PTTG1IP2: variants seen among roughly 807,000 people sequenced by gnomAD.
PTTG1IP2 encodes the protein PTTG1IP family member 2.
At position 90,513,393 on chromosome 7, in the gene PTTG1IP2, T is replaced by A. The variant is rs747343833; in HGVS notation, c.*166T>A. ...AACATTTTTTCGAGTATTTCATTAC[T>A]TTTACATTATGACTTGTACAGTAAT... On this transcript the variant is annotated 3_prime_UTR_variant, in exon 7 of 7. Transcript: ENST00000509356. 6.6e-6 allele frequency: 1 copy of A among 152,608 alleles called. No homozygotes were observed. Among genetic ancestry groups the A allele is most frequent in the African/African-American group, 2.4e-5 (1 of 41,470 alleles). The allele number at this position is 152,608 out of a possible 1,614,324, so 9.5% of individuals were successfully genotyped here.
At chr7:90,473,996 T>C (rs906775907) in intron 1 of PTTG1IP2, among the ~76,000 whole-genome samples, 2 of 152,262 alleles carry the variant, frequency 1.3e-5, no homozygotes, top group African/African-American at 4.8e-5. Flanking sequence ...TATGCAGTCA[T>C]GTGTTGCTTA....
chr7:90,484,160 T>A (rs935848207), intron 2 of PTTG1IP2, among the ~76,000 whole-genome samples: 1 of 151,870 alleles, frequency 6.6e-6, no homozygotes, highest in Non-Finnish European at 1.5e-5. Context: ...ATTTTAGAAA[T>A]CATTGGCTTT....
chr7:90,485,135 G>A (rs941426516), intron 2 of PTTG1IP2, among the ~76,000 whole-genome samples: 1 of 152,164 alleles, frequency 6.6e-6, no homozygotes, highest in Non-Finnish European at 1.5e-5. Context: ...GTCCTCAGTA[G>A]AAAAGGGTGT....
At chr7:90,485,328 T>G (rs974199723) in intron 2 of PTTG1IP2, among the ~76,000 whole-genome samples, 2 of 152,158 alleles carry the variant, frequency 1.3e-5, no homozygotes, top group African/African-American at 4.8e-5. Context: ...TCAACTGCAA[T>G]TGGACTTACC....
At chr7:90,509,868 A>C (rs533039344) in intron 6 of PTTG1IP2, among the ~76,000 whole-genome samples, 1 of 152,280 alleles carries the variant, frequency 6.6e-6, no homozygotes, top group East Asian at 1.9e-4. Flanking sequence ...ATAACCTATT[A>C]ATATTTGTAA....
chr7:90,486,746 C>T (rs191053521), intron 2 of PTTG1IP2, among the ~76,000 whole-genome samples: 49 of 152,220 alleles, frequency 3.2e-4, no homozygotes, highest in African/African-American at 1.2e-3. Context: ...AACCATTTAC[C>T]TCAGTTCTTA....
At chr7:90,506,609 T>A (rs548032002) in intron 6 of PTTG1IP2, among the ~76,000 whole-genome samples, 25 of 151,704 alleles carry the variant, frequency 1.6e-4, no homozygotes, top group South Asian at 4.2e-4. Context: ...CTAAAAAAAA[T>A]TTTTTTAATT....
At position 90,493,377 on chromosome 7, in the gene PTTG1IP2, A is replaced by T. The variant is rs186832678; in HGVS notation, c.452-990A>T. On this transcript the variant is annotated intron_variant, in intron 5 of 6. Coordinates refer to ENST00000509356, the MANE Select transcript of PTTG1IP2 (RefSeq NM_001365443.2). ...TGATAATTGGATCATGAAATGTTTC[A>T]AAAAGCTATTTTAGGACAGGAGCCA... Among the ~76,000 whole-genome samples the T allele has an allele frequency of 3.9e-5, 6 of 152,350 alleles. No homozygotes were observed. In the East Asian group the frequency reaches 1.2e-3, roughly 29 times the overall value.
intron 6 of PTTG1IP2, among the ~76,000 whole-genome samples, chr7:90,497,550 C>G (rs1309185367): frequency 8.3e-6 from 1 of 120,798 alleles, no homozygotes; most frequent in Admixed American, 1.0e-4. Flanking sequence ...GGCGACAGAG[C>G]GAGAATCCGT....
intron 6 of PTTG1IP2, among the ~76,000 whole-genome samples, chr7:90,504,486 T>TA (rs1197561491): frequency 2.6e-5 from 4 of 152,186 alleles, no homozygotes; most frequent in Non-Finnish European, 5.9e-5. Flanking sequence ...TGGGGCCTTA[T>TA]AATCCCTGTC....
At position 90,477,806 on chromosome 7, in the gene PTTG1IP2, T is replaced by C. The variant is rs548759961; in HGVS notation, c.146-1422T>C. ...AATGTACCATGGTAGTGTAAGGTAT[T>C]AACAATAGGAGGGCCAGTGCAGTGG... On this transcript the variant is annotated intron_variant, in intron 1 of 6. Coordinates refer to ENST00000509356, the MANE Select transcript of PTTG1IP2 (RefSeq NM_001365443.2). Among the ~76,000 whole-genome samples the C allele has an allele frequency of 1.6e-3, 244 of 152,062 alleles. 2 individuals are homozygous for C. Among genetic ancestry groups the C allele is most frequent in the African/African-American group, 5.5e-3 (230 of 41,502 alleles).
intron 2 of PTTG1IP2, among the ~76,000 whole-genome samples, chr7:90,485,361 C>A (rs1290641400): frequency 6.6e-6 from 1 of 152,084 alleles, no homozygotes; most frequent in Non-Finnish European, 1.5e-5. Flanking sequence ...CAGCTACTGC[C>A]CCCAGCTCTA....
At chr7:90,474,327 T>C (rs1281285956) in intron 1 of PTTG1IP2, among the ~76,000 whole-genome samples, 2 of 152,176 alleles carry the variant, frequency 1.3e-5, no homozygotes, top group African/African-American at 4.8e-5. Context: ...ATGCAGCACA[T>C]GACTAGTTAT....
intron 2 of PTTG1IP2, among the ~76,000 whole-genome samples, chr7:90,483,718 G>A (rs2116065684): frequency 1.3e-5 from 2 of 152,222 alleles, no homozygotes; most frequent in East Asian, 1.9e-4. Context: ...CATTCCTTTT[G>A]GAAACTTGCT....
At chr7:90,492,020 AC>A (rs1214840655) in intron 4 of PTTG1IP2, among the ~76,000 whole-genome samples, 3 of 152,146 alleles carry the variant, frequency 2.0e-5, no homozygotes, top group Non-Finnish European at 4.4e-5. Flanking sequence ...AATCCCAGCT[AC>A]TTAGGTGGCT....
chr7:90,474,256 A>G (rs1797721365), intron 1 of PTTG1IP2, among the ~76,000 whole-genome samples: 1 of 152,238 alleles, frequency 6.6e-6, no homozygotes, highest in Admixed American at 6.5e-5. Flanking sequence ...GTAAAAATAT[A>G]CAGTATTATA....
At chr7:90,470,378 T>C (rs1797669020) in intron 1 of PTTG1IP2, 1 of 152,162 alleles carries the variant, frequency 6.6e-6, no homozygotes, top group Admixed American at 6.5e-5. Context: ...TCGATTTCCT[T>C]CCAAATTGAA....
intron 1 of PTTG1IP2, among the ~76,000 whole-genome samples, chr7:90,471,253 G>A (rs906097530): frequency 6.6e-6 from 1 of 152,134 alleles, no homozygotes; most frequent in Admixed American, 6.5e-5. Context: ...AAACTGAAAA[G>A]GGGCTTCTAA....
intron 6 of PTTG1IP2, among the ~76,000 whole-genome samples, chr7:90,500,807 G>A (rs1000286559): frequency 6.6e-6 from 1 of 152,136 alleles, no homozygotes; most frequent in Non-Finnish European, 1.5e-5. Flanking sequence ...TTCCAAAGAG[G>A]GCCTGGTGTC....
Sources: allele counts gnomAD v4.1 joint callset (sites outside exome capture counted in the v4.1 genomes callset), GRCh38; gene constraint gnomAD v4.1.1; transcripts MANE v1.5; gene names NCBI Gene and HGNC (gene_info 2026-07-23, HGNC 2026-07-21).